The following SEC63 variants were observed in gnomAD, a reference collection of about 807,000 sequenced individuals.
SEC63 encodes the protein translocation protein SEC63 homolog.
Under a neutral mutation model 116.2 loss-of-function variants are expected in SEC63, and 56 were observed. That is an observed-to-expected ratio of 0.48 (90% CI 0.39 to 0.60). SEC63 has a LOEUF of 0.60. Among genes scored for constraint, SEC63 ranks in the 20% least tolerant of loss-of-function variants. The pLI, the probability that SEC63 is intolerant of heterozygous loss-of-function variation, is 0.00. For synonymous variants in SEC63, 273 were observed against 294.6 expected (o/e 0.93, Z 0.75); for missense variants, 668 against 900.0 (o/e 0.74, Z 3.30).
chr6:107,928,586 A>C (rs1039495003), intron 2 of SEC63, among the ~76,000 whole-genome samples: 7 of 152,206 alleles, frequency 4.6e-5, no homozygotes, highest in Admixed American at 1.3e-4. Flanking sequence ...AAAAAAAACT[A>C]TCATTTAAAC....
chr6:107,934,642 G>A (rs1770153367), intron 1 of SEC63, among the ~76,000 whole-genome samples: 1 of 135,764 alleles, frequency 7.4e-6, no homozygotes, highest in African/African-American at 2.8e-5. Context: ...CCCCCCGCCA[G>A]GCCAGCCACC....
intron 8 of SEC63, among the ~76,000 whole-genome samples, chr6:107,908,606 T>C (rs1352611911): frequency 6.6e-6 from 1 of 152,132 alleles, no homozygotes; most frequent in East Asian, 1.9e-4. Flanking sequence ...AAAAATTAAA[T>C]GAGTCAAGAC....
intron 1 of SEC63, chr6:107,957,635 A>C (rs1390800200): frequency 3.2e-6 from 1 of 314,698 alleles, no homozygotes; most frequent in East Asian, 5.4e-5. Flanking sequence ...GGAGGCTGCA[A>C]GGAGCGTCCA....
intron 5 of SEC63, among the ~76,000 whole-genome samples, 170 bp downstream of exon 5, chr6:107,913,196 A>G (rs972225168): frequency 2.6e-5 from 4 of 152,214 alleles, no homozygotes; most frequent in African/African-American, 4.8e-5. Context: ...CTTTCAAACT[A>G]GTCTTTAGAA....
intron 16 of SEC63, among the ~76,000 whole-genome samples, chr6:107,890,816 C>T (rs1182363332): frequency 6.6e-6 from 1 of 152,106 alleles, no homozygotes; most frequent in Non-Finnish European, 1.5e-5. Flanking sequence ...TTTATTTCTC[C>T]TTTGCTTATG....
Position 107,876,566 on chromosome 6 carries a change from C to T in SEC63, c.2032G>A (p.Glu678Lys). The T allele has an allele frequency of 6.4e-7, 1 of 1,573,940 alleles. No individual in the cohort carries two copies. Among genetic ancestry groups the T allele is most frequent in the Non-Finnish European group, 8.7e-7 (1 of 1,146,412 alleles). The change falls in exon 19 of 21, where the codon GAG becomes AAG. Residue 678 changes from glutamate (E) to lysine (K), a missense_variant and splice_region_variant. Physicochemically the swap from Glu to Lys is moderately conservative, Grantham distance 56. Around this residue, in one of 5 missense-constraint regions of SEC63, gnomAD observed 85 missense variants for 116.3 expected, o/e 0.73. Coordinates refer to ENST00000369002, the MANE Select transcript of SEC63 (RefSeq NM_007214.5). ...AAATCATGTTGCTTGATAGTTACCT[C>T]CTCTGTATCTTTCAGCGTACACACA... ...YHVCTLKDTE[E>K]VELKFPAPGK...
intron 4 of SEC63, among the ~76,000 whole-genome samples, chr6:107,913,633 G>A (rs1282919794): frequency 6.6e-6 from 1 of 152,160 alleles, no homozygotes; most frequent in African/African-American, 2.4e-5. Context: ...ATTGCGTCTT[G>A]ATACTAATTC....
chr6:107,884,626 A>G (rs1351217928), intron 16 of SEC63, among the ~76,000 whole-genome samples: 1 of 152,134 alleles, frequency 6.6e-6, no homozygotes, highest in Non-Finnish European at 1.5e-5. Flanking sequence ...CCAGAGACTA[A>G]AAAAACAAAT....
rs1252870574 is a variant in SEC63, at chr6:107,870,389, C to T, written c.*1315G>A. 1 of 152,542 alleles carries T rather than the reference C, an allele frequency of 6.6e-6. No individual in the cohort carries two copies. Among genetic ancestry groups the T allele is most frequent in the Non-Finnish European group, 1.5e-5 (1 of 68,026 alleles). 9.4% of individuals were successfully genotyped at this position (152,542 alleles called of 1,614,324 possible). ...TAGTATTCTGCACTGAAAGTGGCAACCTTTTAAAGTAAACAAGGTTGCAAA... is the reference window on the plus strand; with the variant it reads ...TAGTATTCTGCACTGAAAGTGGCAATCTTTTAAAGTAAACAAGGTTGCAAA... On this transcript the variant is annotated 3_prime_UTR_variant, in exon 21 of 21. Coordinates refer to ENST00000369002, the MANE Select transcript of SEC63 (RefSeq NM_007214.5).
chr6:107,890,558 G>A (rs4946874), intron 16 of SEC63, among the ~76,000 whole-genome samples: 124,129 of 152,122 alleles, frequency 0.82, 51,000 homozygotes, highest in Middle Eastern at 0.91. Context: ...GGGGCATTTA[G>A]CCCATTTACA....
chr6:107,910,661 ATC>A (rs1400592190), intron 7 of SEC63, among the ~76,000 whole-genome samples: 17 of 152,246 alleles, frequency 1.1e-4, no homozygotes, highest in Middle Eastern at 3.4e-3. Context: ...ATTTATACAC[ATC>A]TGTCATGCAT....
intron 11 of SEC63, among the ~76,000 whole-genome samples, chr6:107,903,342 G>T (rs757016910): frequency 4.0e-5 from 6 of 151,788 alleles, no homozygotes; most frequent in Non-Finnish European, 7.4e-5. Context: ...CTTTTTTAAG[G>T]GCATTCCTTT....
chr6:107,918,333 CA>C (rs1436417452), intron 4 of SEC63, among the ~76,000 whole-genome samples: 1 of 152,068 alleles, frequency 6.6e-6, no homozygotes, highest in East Asian at 1.9e-4. Flanking sequence ...GCTGTACAAA[CA>C]GATTAATGTT....
rs13204391 is a variant in SEC63 at position 107,908,532 on chromosome 6, G to A, written c.733+395C>T. ...TGTATCCTTGAGAGTGTTACTTTTC[G>A]GTGCCTCAGTTTCCTCATCTATAAG... On this transcript the variant is annotated intron_variant, in intron 8 of 20. Transcript: ENST00000369002. Among the ~76,000 whole-genome samples, 256 of 152,012 alleles carry A rather than the reference G, an allele frequency of 1.7e-3. 1 individual carries two copies. Among genetic ancestry groups the A allele is most frequent in the South Asian group, 8.7e-3 (42 of 4,824 alleles).
At chr6:107,914,197 A>G (rs1787348546) in intron 4 of SEC63, among the ~76,000 whole-genome samples, 1 of 152,180 alleles carries the variant, frequency 6.6e-6, no homozygotes, top group Non-Finnish European at 1.5e-5. Context: ...TGAATTCCCA[A>G]TTCCTTACAA....
intron 11 of SEC63, among the ~76,000 whole-genome samples, chr6:107,903,439 G>A (rs78009588): frequency 0.027 from 4,023 of 151,800 alleles, 77 homozygotes; most frequent in Non-Finnish European, 0.038. Context: ...TGTGGCTCAT[G>A]ACTGTAATCC....
At chr6:107,872,375 G>A (rs1786154702) in intron 20 of SEC63, among the ~76,000 whole-genome samples, 1 of 152,042 alleles carries the variant, frequency 6.6e-6, no homozygotes, top group Admixed American at 6.5e-5. Context: ...TTTATAAAAA[G>A]CTCAAGTGAA....
rs144966422 is a variant in SEC63 at position 107,869,141 on chromosome 6, A to C, written c.*2563T>G. On this transcript the variant is annotated 3_prime_UTR_variant, in exon 21 of 21. Coordinates refer to ENST00000369002, the MANE Select transcript of SEC63 (RefSeq NM_007214.5). ...TCCAGCCCTCAGTGAAAGCTGGGAG[A>C]AGCAGAGCAGAAGGTATTGTTCTAC... 4 of 152,296 alleles carry C rather than the reference A, an allele frequency of 2.6e-5. No individual in the cohort carries two copies. In the East Asian group the frequency reaches 5.8e-4, roughly 22 times the overall value. The allele number at this position is 152,296 out of a possible 1,614,324, so 9.4% of individuals were successfully genotyped here.
Position 107,929,957 on chromosome 6 carries a change from A to C in SEC63, c.125-443T>G, listed in dbSNP as rs139204991. The C allele has an allele frequency of 6.8e-4, 118 of 173,024 alleles. No homozygotes were observed. In the East Asian group the frequency reaches 7.9e-3, roughly 12 times the overall value. 10.7% of individuals were successfully genotyped at this position (173,024 alleles called of 1,614,324 possible). ...ATAAATGCCTATCAAAATGTCTTCT[A>C]ATCAACAAAGTTTAGATCTCATCTA... On this transcript the variant is annotated intron_variant, in intron 1 of 20. Coordinates refer to ENST00000369002, the MANE Select transcript of SEC63 (RefSeq NM_007214.5).
Sources: allele counts gnomAD v4.1 joint callset (sites outside exome capture counted in the v4.1 genomes callset), GRCh38; gene constraint gnomAD v4.1.1; regional missense constraint gnomAD v4.1.1; transcripts MANE v1.5; gene names NCBI Gene and HGNC (gene_info 2026-07-23, HGNC 2026-07-21).